Variants in TLR3 observed in about 807,000 individuals in gnomAD.
TLR3 encodes the protein toll like receptor 3.
In TLR3, 43 loss-of-function variants were observed where a neutral mutation model predicts 66.4. That is an observed-to-expected ratio of 0.65 (90% confidence interval 0.51 to 0.83). TLR3 has a LOEUF of 0.83. Among genes scored for constraint, TLR3 ranks in the 40% least tolerant of loss-of-function variants. TLR3 has a pLI of 0.00. For missense variants in TLR3, 982 were observed against 1,044.6 expected (o/e 0.94, Z 0.83); for synonymous variants, 397 against 397.2 (o/e 1.00, Z 0.01).
At chr4:186,078,125 T>A (rs1037722849) in intron 2 of TLR3, among the ~76,000 whole-genome samples, 8 of 152,204 alleles carry the variant, frequency 5.3e-5, no homozygotes, top group Non-Finnish European at 1.2e-4. Flanking sequence ...TGCAAAATGT[T>A]ATTTTTGTAA....
chr4:186,079,772 T>C (rs574387040), intron 3 of TLR3, among the ~76,000 whole-genome samples: 20 of 152,284 alleles, frequency 1.3e-4, no homozygotes, highest in Admixed American at 1.2e-3. Flanking sequence ...GAAAGGCACA[T>C]TTATTCGTGA....
intron 1 of TLR3, among the ~76,000 whole-genome samples, chr4:186,073,970 C>T (rs559970502): frequency 2.6e-5 from 4 of 152,096 alleles, no homozygotes; most frequent in African/African-American, 4.8e-5. Flanking sequence ...TGTTAAATAT[C>T]GTTAGTCGGC....
intron 2 of TLR3, 94 bp from the exon 3 acceptor site, chr4:186,078,746 T>TCGG: frequency 1.0e-6 from 1 of 998,208 alleles, no homozygotes; most frequent in Non-Finnish European, 1.5e-6. Flanking sequence ...GGTGTTGATT[T>TCGG]TGCTGTTGAA....
chr4:186,078,568 CTT>C (rs1169850363), intron 2 of TLR3, among the ~76,000 whole-genome samples: 2 of 152,078 alleles, frequency 1.3e-5, no homozygotes, highest in African/African-American at 4.8e-5. Context: ...AAGCTTAAGT[CTT>C]TTTTATTTTG....
In TLR3 at chr4:186,077,079, T is replaced by C. The variant is rs1478625867; in HGVS notation, c.441+19T>C. 6.2e-7 allele frequency: 1 copy of C among 1,607,386 alleles called. No individual in the cohort carries two copies. Among genetic ancestry groups the C allele is most frequent in the Non-Finnish European group, 8.5e-7 (1 of 1,175,550 alleles). On this transcript the variant is annotated intron_variant, in intron 2 of 4. Transcript: ENST00000296795. The stretch of plus-strand genomic sequence containing the variant: ...GCAGAAGGTAAGTTGAAAATGTCTA[T>C]TGTTACTAATGTTTTTAAGTCAGTT...
In TLR3 at chr4:186,083,159, C is replaced by A; in HGVS notation, c.1473C>A (p.Ala491=). 1.9e-6 allele frequency: 3 copies of A among 1,614,116 alleles called. No individual in the cohort carries two copies. Among genetic ancestry groups the A allele is most frequent in the Non-Finnish European group, 2.5e-6 (3 of 1,180,018 alleles). The change falls in exon 4 of 5, where the codon GCC becomes GCA. Residue 491 remains alanine (A), a synonymous_variant. Transcript: ENST00000296795. This position sits in a 1 kb window ranked among gnomAD's most constrained non-coding sequence, Gnocchi z 4.0. ...SLQRLMLRRV[A]LKNVDSSPSP... ...AACGACTGATGCTCCGAAGGGTGGCCCTTAAAAATGTGGATAGCTCTCCTT... is the reference window on the plus strand; with the variant it reads ...AACGACTGATGCTCCGAAGGGTGGCACTTAAAAATGTGGATAGCTCTCCTT...
chr4:186,084,569 C>A, intron 4 of TLR3, 76 bp from the exon 5 acceptor site: 1 of 992,154 alleles, frequency 1.0e-6, no homozygotes, highest in Non-Finnish European at 1.6e-6. Context: ...TTAAACTCTA[C>A]AGAGTATTTT....
At position 186,085,424 on chromosome 4, in the gene TLR3, G is replaced by A. The variant is rs928848145; in HGVS notation, c.*551G>A. 6.6e-6 allele frequency: 1 copy of A among 152,640 alleles called. No individual in the cohort carries two copies. Among genetic ancestry groups the A allele is most frequent in the African/African-American group, 2.4e-5 (1 of 41,410 alleles). 9.5% of individuals were successfully genotyped at this position (152,640 alleles called of 1,614,324 possible). A position where few individuals can be genotyped will look rare whatever the true frequency, so the allele number is the denominator to read the frequency against. ...AATATTTTTTAATATACATACCCAA[G>A]GGCAGAAAACATTTGCAATTCATTT... is the stretch of plus-strand genomic sequence containing the variant. On this transcript the variant is annotated 3_prime_UTR_variant, in exon 5 of 5. Coordinates refer to ENST00000296795, the MANE Select transcript of TLR3 (RefSeq NM_003265.3).
chr4:186,072,795 A>G (rs540201953), intron 1 of TLR3, among the ~76,000 whole-genome samples: 1 of 152,312 alleles, frequency 6.6e-6, no homozygotes, highest in South Asian at 2.1e-4. Context: ...GGAGACGCAG[A>G]GGCAAACCAT....
chr4:186,073,053 G>T (rs2099301778), intron 1 of TLR3, among the ~76,000 whole-genome samples: 1 of 152,176 alleles, frequency 6.6e-6, no homozygotes, highest in Admixed American at 6.5e-5. Context: ...TGAACTTCAA[G>T]ACTTGTTGTA....
Position 186,084,888 on chromosome 4 carries a change from TCA to T in TLR3, c.*16_*17del. ...CTGTACATTAAATTTATTTAAATAT[TCA>T]ATTAGCAAAGGAGAAACTTTCTCAA... On this transcript the variant is annotated 3_prime_UTR_variant, in exon 5 of 5. Transcript: ENST00000296795. 6.3e-7 allele frequency: 1 copy of T among 1,590,816 alleles called. No individual in the cohort carries two copies. Among genetic ancestry groups the T allele is most frequent in the Non-Finnish European group, 8.6e-7 (1 of 1,160,450 alleles).
chr4:186,076,179 G>A (rs1427318685), intron 1 of TLR3, among the ~76,000 whole-genome samples: 1 of 151,930 alleles, frequency 6.6e-6, no homozygotes, highest in Non-Finnish European at 1.5e-5. Flanking sequence ...AAAATAAAAC[G>A]AAACAAAAAC....
At chr4:186,074,896 C>T (rs949618429) in intron 1 of TLR3, among the ~76,000 whole-genome samples, 1 of 151,874 alleles carries the variant, frequency 6.6e-6, no homozygotes, top group Non-Finnish European at 1.5e-5. Flanking sequence ...AATGTCACTG[C>T]CTTCCACCAC....
In TLR3 at chr4:186,083,258, C is replaced by T. The variant is rs1323489330; in HGVS notation, c.1572C>T (p.Asp524=). 6.2e-7 allele frequency: 1 copy of T among 1,614,144 alleles called. No homozygotes were observed. ...SNNNIANIND[D]MLEGLEKLEI... is the part of the protein sequence containing the mutation. Reference sequence around the variant, plus strand: ...ACAACATAGCCAACATAAATGATGACATGTTGGAGGGTCTTGAGAAACTAG... The same window carrying T: ...ACAACATAGCCAACATAAATGATGATATGTTGGAGGGTCTTGAGAAACTAG... Residue 524 remains aspartate (D), a synonymous_variant, in exon 4 of 5, where the codon GAC becomes GAT. Transcript: ENST00000296795. The surrounding 1 kb of genome is among the most constrained non-coding windows in gnomAD (Gnocchi z 4.0).
At chr4:186,075,902 T>A (rs1372967079) in intron 1 of TLR3, among the ~76,000 whole-genome samples, 1 of 152,166 alleles carries the variant, frequency 6.6e-6, no homozygotes, top group Non-Finnish European at 1.5e-5. Flanking sequence ...ACGCCTGTAA[T>A]CCCAGCACTT....
chr4:186,082,522 T>G lies in TLR3; in HGVS notation c.836T>G (p.Leu279Arg). 11 of 1,614,192 alleles carry G rather than the reference T, an allele frequency of 6.8e-6. No individual in the cohort carries two copies. The highest frequency in any genetic ancestry group is 9.3e-6 in the Non-Finnish European group (11 of 1,180,028). ...CTAAAGTGGACAAATCTCACTATGC[T>G]CGATCTTTCCTACAACAACTTAAAT... ...LGLKWTNLTMLDLSYNNLNVV... is the reference protein window; with the variant it reads ...LGLKWTNLTMRDLSYNNLNVV... Residue 279 changes from leucine (L) to arginine (R), a missense_variant, in exon 4 of 5, where the codon CTC becomes CGC. Around this residue, in one of 3 missense-constraint regions of TLR3, gnomAD observed 313 missense variants for 319.0 expected, o/e 0.98. Coordinates refer to ENST00000296795, the MANE Select transcript of TLR3 (RefSeq NM_003265.3).
rs1237196138 is a variant in TLR3 at position 186,082,449 on chromosome 4, C to CT, written c.764dup (p.Ser256GlufsTer2). 6.2e-7 allele frequency: 1 copy of CT among 1,614,030 alleles called. No homozygotes were observed. Among genetic ancestry groups the CT allele is most frequent in the Non-Finnish European group, 8.5e-7 (1 of 1,180,042 alleles). On this transcript the variant is annotated frameshift_variant, in exon 4 of 5. Transcript: ENST00000296795. LOFTEE classifies it high-confidence loss of function. ...AAACACAAGCATTCGGAATCTGTCT[C>CT]TGAGTAACAGCCAGCTGTCCACCAC... is the stretch of plus-strand genomic sequence containing the variant.
intron 1 of TLR3, among the ~76,000 whole-genome samples, chr4:186,071,262 G>C (rs1436175845): frequency 6.6e-6 from 1 of 152,184 alleles, no homozygotes; most frequent in African/African-American, 2.4e-5. Flanking sequence ...TTCAGATGGG[G>C]CAAGTCCTTA....
chr4:186,084,783 C>T lies in TLR3; in HGVS notation c.2625C>T (p.Cys875=), dbSNP rs1168443940. 2 of 1,614,100 alleles carry T rather than the reference C, an allele frequency of 1.2e-6. No homozygotes were observed. Among genetic ancestry groups the T allele is most frequent in the Non-Finnish European group, 1.7e-6 (2 of 1,179,986 alleles). The change falls in exon 5 of 5, where the codon TGC becomes TGT. Residue 875 remains cysteine, a synonymous_variant. Transcript: ENST00000296795. ...CLRRGMFKSH[C]ILNWPVQKER... ...GAAGAGGAATGTTTAAATCTCACTG[C>T]ATCTTGAACTGGCCAGTTCAGAAAG...
Sources: allele counts gnomAD v4.1 joint callset (sites outside exome capture counted in the v4.1 genomes callset), GRCh38; gene constraint gnomAD v4.1.1; regional missense constraint gnomAD v4.1.1; non-coding constraint Gnocchi (gnomAD v3.1); transcripts MANE v1.5; gene names NCBI Gene and HGNC (gene_info 2026-07-23, HGNC 2026-07-21).